The following PSTPIP2 variants were observed in gnomAD, a reference collection of about 807,000 sequenced individuals.
PSTPIP2 encodes the protein proline-serine-threonine phosphatase-interacting protein 2.
A neutral mutation model predicts 63.3 loss-of-function variants in PSTPIP2; 33 were observed. The observed-to-expected ratio is 0.52, with a 90% CI of 0.40 to 0.70. The LOEUF is 0.70. PSTPIP2 is among the 30% of genes least tolerant of loss of function. The probability of loss-of-function intolerance (pLI) is 0.00; values close to 1 mark genes in which losing one functional copy is unlikely to be tolerated. For missense variants in PSTPIP2, 312 were observed against 400.7 expected (o/e 0.78, Z 1.89); for synonymous variants, 125 against 132.7 (o/e 0.94, Z 0.40).
At chr18:46,015,191 G>A (rs1361505550) in intron 4 of PSTPIP2, among the ~76,000 whole-genome samples, 1 of 152,122 alleles carries the variant, frequency 6.6e-6, no homozygotes, top group East Asian at 1.9e-4. Flanking sequence ...GTGAGTGGTG[G>A]GACTACAGGC....
At chr18:46,027,409 G>C (rs1426112026) in intron 2 of PSTPIP2, among the ~76,000 whole-genome samples, 1 of 151,850 alleles carries the variant, frequency 6.6e-6, no homozygotes, top group African/African-American at 2.4e-5. Context: ...AAATAGCTTG[G>C]ACTGGTGTTG....
In PSTPIP2 at chr18:46,015,885, A is replaced by T. The variant is rs59500762; in HGVS notation, c.247+18T>A. The T allele has an allele frequency of 9.2e-3, 8,692 of 942,052 alleles. 186 individuals are homozygous for T. The Admixed American group carries it at 0.14, about 15-fold the overall frequency. The allele number at this position is 942,052 out of a possible 1,614,324, so 58.4% of individuals were successfully genotyped here. A position where few individuals can be genotyped will look rare whatever the true frequency, so the allele number is the denominator to read the frequency against. ...GTCAAGGGCAGTGAATACATTTTTT[A>T]AAAAAAAAATCACTTACGCTGCTTG... On this transcript the variant is annotated intron_variant, in intron 4 of 14. Coordinates refer to ENST00000409746, the MANE Select transcript of PSTPIP2 (RefSeq NM_024430.4).
chr18:45,988,889 G>A, intron 13 of PSTPIP2, 130 bp from the exon 14 acceptor site: 1 of 731,852 alleles, frequency 1.4e-6, no homozygotes, highest in Non-Finnish European at 2.3e-6. Flanking sequence ...AAATAGATCT[G>A]CCAACAAAAA....
chr18:45,999,891 A>G (rs376516761), intron 6 of PSTPIP2, among the ~76,000 whole-genome samples: 31 of 152,280 alleles, frequency 2.0e-4, no homozygotes, highest in East Asian at 9.7e-4. Context: ...TAATCCCAAC[A>G]CTCTGAGAGG....
chr18:46,023,486 G>A (rs1188002477), intron 3 of PSTPIP2, among the ~76,000 whole-genome samples: 3 of 152,080 alleles, frequency 2.0e-5, no homozygotes, highest in Admixed American at 6.5e-5. Context: ...TGGAACCCGG[G>A]AGGCAGAATT....
chr18:46,056,869 A>C (rs1908773667), intron 1 of PSTPIP2, among the ~76,000 whole-genome samples: 1 of 152,164 alleles, frequency 6.6e-6, no homozygotes, highest in African/African-American at 2.4e-5. Flanking sequence ...TGGGAGGCCA[A>C]GGTGGGCAGA....
chr18:46,057,343 T>C (rs1333533691), intron 1 of PSTPIP2, among the ~76,000 whole-genome samples: 4 of 151,862 alleles, frequency 2.6e-5, no homozygotes, highest in African/African-American at 9.7e-5. Flanking sequence ...CTTTTTTTTT[T>C]TGAGGCAGAG....
At chr18:46,038,243 G>GT (rs1315928796) in intron 2 of PSTPIP2, among the ~76,000 whole-genome samples, 1 of 152,192 alleles carries the variant, frequency 6.6e-6, no homozygotes, top group Non-Finnish European at 1.5e-5. Context: ...TAACAGGGTA[G>GT]TCCTGTTTCA....
At chr18:45,998,871 G>A in intron 7 of PSTPIP2, 32 bp from the exon 8 acceptor site, 1 of 1,613,000 alleles carries the variant, frequency 6.2e-7, no homozygotes. Context: ...CAAAAAAAGA[G>A]CAAGCATTGG....
intron 1 of PSTPIP2, among the ~76,000 whole-genome samples, chr18:46,058,402 G>A (rs1187819733): frequency 6.6e-6 from 1 of 151,914 alleles, no homozygotes; most frequent in Non-Finnish European, 1.5e-5. Context: ...TGTCGCCCAG[G>A]CTGGAGTGTA....
intron 6 of PSTPIP2, among the ~76,000 whole-genome samples, chr18:46,002,773 T>C (rs980107548): frequency 1.0e-4 from 14 of 133,436 alleles, no homozygotes; most frequent in Non-Finnish European, 2.2e-4. Flanking sequence ...CTGGGCAACA[T>C]TGTGAGACCC....
At chr18:46,030,137 A>C (rs574693290) in intron 2 of PSTPIP2, among the ~76,000 whole-genome samples, 29 of 151,900 alleles carry the variant, frequency 1.9e-4, no homozygotes, top group African/African-American at 6.8e-4. Context: ...GAAAGAAAAG[A>C]AAAAGAAAGA....
rs756384731 is a variant in PSTPIP2, at chr18:46,006,360, C to CTTTTTTTTTTTTT, written c.355-842_355-830dup. Among the ~76,000 whole-genome samples, 4 of 115,628 alleles carry CTTTTTTTTTTTTT rather than the reference C, an allele frequency of 3.5e-5. 2 individuals carry two copies. The highest frequency in any genetic ancestry group is 2.0e-4 in the Admixed American group (2 of 10,182). The allele number at this position is 115,628 out of a possible 152,430, so 75.9% of individuals were successfully genotyped here. The stretch of plus-strand genomic sequence containing the variant: ...TGAGCCACCATGCCCAGCCCTGGTA[C>CTTTTTTTTTTTTT]TTTTTTTTTTTTTTTTTTTTTTTTT... On this transcript the variant is annotated intron_variant, in intron 5 of 14. Coordinates refer to ENST00000409746, the MANE Select transcript of PSTPIP2 (RefSeq NM_024430.4).
chr18:46,020,318 G>A (rs1480519113), intron 3 of PSTPIP2, among the ~76,000 whole-genome samples: 1 of 152,138 alleles, frequency 6.6e-6, no homozygotes, highest in Non-Finnish European at 1.5e-5. Context: ...GAGTCTCTCA[G>A]GGTAGCCAAT....
intron 9 of PSTPIP2, among the ~76,000 whole-genome samples, chr18:45,995,088 T>C (rs1444942758): frequency 6.6e-6 from 1 of 151,682 alleles, no homozygotes; most frequent in African/African-American, 2.4e-5. Flanking sequence ...GGGGAAGGGG[T>C]TGTTTCGTTG....
chr18:45,997,946 AG>A (rs1043450026), intron 8 of PSTPIP2, 118 bp from the exon 9 acceptor site: 1 of 811,654 alleles, frequency 1.2e-6, no homozygotes, highest in African/African-American at 1.7e-5. Context: ...TGAGCTTACA[AG>A]GCCCCCAGGA....
At chr18:46,034,917 C>T (rs1907911040) in intron 2 of PSTPIP2, among the ~76,000 whole-genome samples, 2 of 152,182 alleles carry the variant, frequency 1.3e-5, no homozygotes, top group Admixed American at 6.5e-5. Context: ...TTAATCATCT[C>T]TAGCTACCCT....
chr18:45,993,457 T>C, intron 10 of PSTPIP2, 148 bp downstream of exon 10: 1 of 662,086 alleles, frequency 1.5e-6, no homozygotes, highest in East Asian at 2.8e-5. Flanking sequence ...ACATGTTATC[T>C]GCATCCTTCT....
intron 1 of PSTPIP2, among the ~76,000 whole-genome samples, chr18:46,056,590 GGTGGTGCACACCT>G (rs1382786083): frequency 1.3e-5 from 2 of 152,104 alleles, no homozygotes; most frequent in Non-Finnish European, 2.9e-5. Flanking sequence ...AGCAGAGCAT[GGTGGTGCACACCT>G]GTGGTCCCAG....
Sources: gnomAD v4.1 joint callset for allele counts (sites outside exome capture counted in the v4.1 genomes callset) on GRCh38, gnomAD v4.1.1 for gene constraint, MANE v1.5 for transcripts, NCBI Gene and HGNC (gene_info 2026-07-23, HGNC 2026-07-21) for gene names.